The following TNKS variants were observed in gnomAD, a reference collection of about 807,000 sequenced individuals.
The protein encoded by TNKS is poly [ADP-ribose] polymerase tankyrase-1.
Under a neutral mutation model 135.8 loss-of-function variants are expected in TNKS, and 72 were observed. The observed-to-expected ratio is 0.53, with a 90% CI of 0.44 to 0.64. The LOEUF is 0.64. Among genes scored for constraint, TNKS ranks in the 30% least tolerant of loss-of-function variants. The probability of loss-of-function intolerance (pLI) is 0.00; values close to 1 mark genes in which losing one functional copy is unlikely to be tolerated. For synonymous variants in TNKS, 849 were observed against 649.3 expected (o/e 1.31, Z -4.68); for missense variants, 1,769 against 1,674.0 (o/e 1.06, Z -0.99).
intron 1 of TNKS, among the ~76,000 whole-genome samples, chr8:9,567,515 A>C (rs1043014449): frequency 1.3e-5 from 2 of 152,170 alleles, no homozygotes; most frequent in Non-Finnish European, 1.5e-5. Context: ...TCCCGGGTTC[A>C]CGCCATTCTC....
At chr8:9,613,180 C>G (rs1035287933) in intron 2 of TNKS, among the ~76,000 whole-genome samples, 5 of 152,156 alleles carry the variant, frequency 3.3e-5, no homozygotes, top group Non-Finnish European at 7.3e-5. Context: ...TCCGTAAAGA[C>G]TAAAATATTT....
chr8:9,629,103 A>G (rs1466598241), intron 3 of TNKS, among the ~76,000 whole-genome samples: 1 of 152,238 alleles, frequency 6.6e-6, no homozygotes, highest in Non-Finnish European at 1.5e-5. Flanking sequence ...ACCAACGTGT[A>G]GTCTGTAGGC....
chr8:9,576,884 A>C (rs1264007259), intron 1 of TNKS, among the ~76,000 whole-genome samples: 1 of 152,190 alleles, frequency 6.6e-6, no homozygotes, highest in Non-Finnish European at 1.5e-5. Context: ...ATATACAAAT[A>C]ATAACATGAA....
chr8:9,769,937 T>A (rs1307711100), intron 25 of TNKS, among the ~76,000 whole-genome samples, 169 bp from the exon 26 acceptor site: 1 of 152,188 alleles, frequency 6.6e-6, no homozygotes, highest in Non-Finnish European at 1.5e-5. Context: ...TAACTGTTTA[T>A]AGCAAATCAT....
At chr8:9,678,939 G>C (rs1437579744) in intron 3 of TNKS, among the ~76,000 whole-genome samples, 3 of 152,130 alleles carry the variant, frequency 2.0e-5, no homozygotes, top group Non-Finnish European at 4.4e-5. Flanking sequence ...GTGTATTACA[G>C]CTGAATCATA....
intron 2 of TNKS, among the ~76,000 whole-genome samples, chr8:9,589,726 G>C (rs1198318595): frequency 6.6e-6 from 1 of 152,258 alleles, no homozygotes; most frequent in African/African-American, 2.4e-5. Context: ...GGAGCCACGT[G>C]GGTGAGGAAG....
At chr8:9,743,516 T>G (rs1806078451) in intron 17 of TNKS, 1 of 152,196 alleles carries the variant, frequency 6.6e-6, no homozygotes, top group African/African-American at 2.4e-5. Flanking sequence ...AATGATTAAA[T>G]GAGACCATGC....
At position 9,556,815 on chromosome 8, in the gene TNKS, G is replaced by C. The variant is rs1815335600; in HGVS notation, c.673+203G>C. ...GTTGGGGGGGATAAGTGAATCCAAG[G>C]AATTCTTCAGTGGTTGCACAGTACT... On this transcript the variant is annotated intron_variant, in intron 1 of 26. Coordinates refer to ENST00000310430, the MANE Select transcript of TNKS (RefSeq NM_003747.3). 1.0e-5 allele frequency: 6 copies of C among 577,134 alleles called. 1 individual carries two copies. In the South Asian group the frequency reaches 1.2e-4, roughly 12 times the overall value. The allele number at this position is 577,134 out of a possible 1,614,324, so 35.8% of individuals were successfully genotyped here. A position where few individuals can be genotyped will look rare whatever the true frequency, so the allele number is the denominator to read the frequency against.
chr8:9,714,646 A>G (rs914544819), intron 11 of TNKS, among the ~76,000 whole-genome samples: 1 of 152,204 alleles, frequency 6.6e-6, no homozygotes, highest in Admixed American at 6.5e-5. Flanking sequence ...TCCTGAATCA[A>G]TTTAGCAGCA....
chr8:9,583,902 C>T (rs1033492538), intron 2 of TNKS, among the ~76,000 whole-genome samples: 6 of 151,510 alleles, frequency 4.0e-5, no homozygotes, highest in African/African-American at 1.2e-4. Flanking sequence ...CGGTGGCTCA[C>T]TCCTGTAATC....
intron 3 of TNKS, among the ~76,000 whole-genome samples, chr8:9,630,970 A>C (rs578030109): frequency 2.9e-4 from 44 of 152,300 alleles, no homozygotes; most frequent in African/African-American, 1.0e-3. Context: ...GAAGCAGTAC[A>C]TACATTTTCA....
chr8:9,594,872 A>G (rs879941480), intron 2 of TNKS, among the ~76,000 whole-genome samples: 5 of 152,216 alleles, frequency 3.3e-5, no homozygotes, highest in Non-Finnish European at 7.3e-5. Context: ...AGTTTTAGCT[A>G]CTGGAGAACT....
intron 3 of TNKS, among the ~76,000 whole-genome samples, chr8:9,654,392 A>G (rs1801266649): frequency 6.6e-6 from 1 of 152,162 alleles, no homozygotes; most frequent in Admixed American, 6.5e-5. Flanking sequence ...ACATGCTTTT[A>G]CAAAAAAAAA....
intron 3 of TNKS, among the ~76,000 whole-genome samples, chr8:9,624,033 A>G (rs959270197): frequency 6.6e-6 from 1 of 152,066 alleles, no homozygotes; most frequent in African/African-American, 2.4e-5. Context: ...CAACAACAAC[A>G]ACAACAAAAA....
In TNKS at chr8:9,563,574, T is replaced by C. The variant is rs139256972; in HGVS notation, c.673+6962T>C. Among the ~76,000 whole-genome samples, 406 of 152,298 alleles carry C rather than the reference T, an allele frequency of 2.7e-3. 4 individuals are homozygous for C. The highest frequency in any genetic ancestry group is 9.1e-3 in the African/African-American group (377 of 41,588). ...GTTTGCTGACCTCTGTTATAAGGCA[T>C]TATATGTGGCATTTTTTCCATTTTG... On this transcript the variant is annotated intron_variant, in intron 1 of 26. Coordinates refer to ENST00000310430, the MANE Select transcript of TNKS (RefSeq NM_003747.3).
At chr8:9,563,836 C>T (rs1403690372) in intron 1 of TNKS, among the ~76,000 whole-genome samples, 1 of 151,984 alleles carries the variant, frequency 6.6e-6, no homozygotes, top group African/African-American at 2.4e-5. Flanking sequence ...CCAAATTCTT[C>T]TTGTAAGAAT....
chr8:9,761,433 G>T lies in TNKS; in HGVS notation c.3154-83G>T, dbSNP rs113153577. The stretch of plus-strand genomic sequence containing the variant: ...AATTTTCTTAATTTGAATGGTACTC[G>T]TAGCATTGAAGGCAATTGGAAAAGC... On this transcript the variant is annotated intron_variant, in intron 20 of 26. Coordinates refer to ENST00000310430, the MANE Select transcript of TNKS (RefSeq NM_003747.3). The T allele has an allele frequency of 2.4e-4, 336 of 1,408,572 alleles. No individual in the cohort carries two copies. In the African/African-American group the frequency reaches 4.3e-3, roughly 18 times the overall value. The allele number at this position is 1,408,572 out of a possible 1,614,324, so 87.3% of individuals were successfully genotyped here.
chr8:9,587,478 T>A (rs1177717079), intron 2 of TNKS, among the ~76,000 whole-genome samples: 1 of 151,666 alleles, frequency 6.6e-6, no homozygotes, highest in Non-Finnish European at 1.5e-5. Context: ...CGGCTCACTG[T>A]AAGCTCGGCC....
rs1331439770 is a variant in TNKS at position 9,710,183 on chromosome 8, A to G, written c.1712A>G (p.Asn571Ser). The change falls in exon 11 of 27, where the codon AAT (asparagine) becomes AGT (serine). Residue 571 changes from asparagine to serine, a missense_variant. Transcript: ENST00000310430. ...PLHVAAERAH[N>S]DVMEVLHKHG... ...CATGTTGCAGCCGAAAGAGCCCATA[A>G]TGATGTCATGGAAGTTCTGCATAAG... 1.2e-6 allele frequency: 2 copies of G among 1,614,222 alleles called. No individual in the cohort carries two copies. Among genetic ancestry groups the G allele is most frequent in the Non-Finnish European group, 8.5e-7 (1 of 1,180,034 alleles).
Sources: gnomAD v4.1 joint callset for allele counts (sites outside exome capture counted in the v4.1 genomes callset) on GRCh38, gnomAD v4.1.1 for gene constraint, MANE v1.5 for transcripts, NCBI Gene and HGNC (gene_info 2026-07-23, HGNC 2026-07-21) for gene names.